Variants in GTF2I observed in about 807,000 individuals in gnomAD.
GTF2I encodes the protein general transcription factor IIi.
GTF2I carries 12 observed loss-of-function variants against 67.6 expected under a neutral mutation model. That is an observed-to-expected ratio of 0.18 (90% CI 0.11 to 0.29). The LOEUF is 0.29. Among genes scored for constraint, GTF2I ranks in the 10% least tolerant of loss-of-function variants. The pLI is 1.00. For synonymous variants in GTF2I, 149 were observed against 197.0 expected (o/e 0.76, Z 2.04); for missense variants, 271 against 580.1 (o/e 0.47, Z 5.47).
At chr7:74,695,783 C>T (rs1349945287) in intron 3 of GTF2I, among the ~76,000 whole-genome samples, 2 of 151,960 alleles carry the variant, frequency 1.3e-5, no homozygotes, top group Non-Finnish European at 2.9e-5. Context: ...TTTCTTTATA[C>T]TAATAATGCT....
intron 1 of GTF2I, among the ~76,000 whole-genome samples, chr7:74,675,294 A>C (rs2131233460): frequency 6.6e-6 from 1 of 152,242 alleles, no homozygotes; most frequent in Non-Finnish European, 1.5e-5. Context: ...TATTGAGGTT[A>C]AGCATTTTGA....
chr7:74,702,227 CT>C (rs56164443), intron 6 of GTF2I, among the ~76,000 whole-genome samples: 37,857 of 144,724 alleles, frequency 0.26, 7,346 homozygotes, highest in African/African-American at 0.56. Flanking sequence ...TTACACTGAA[CT>C]TTTTTTTTTT....
chr7:74,707,933 G>C (rs976975885), intron 8 of GTF2I, among the ~76,000 whole-genome samples: 1 of 151,528 alleles, frequency 6.6e-6, no homozygotes, highest in Non-Finnish European at 1.5e-5. Context: ...CTGCAAATAA[G>C]ATGTACATTT....
chr7:74,697,266 G>A (rs985221982), intron 3 of GTF2I, among the ~76,000 whole-genome samples: 5 of 151,780 alleles, frequency 3.3e-5, no homozygotes, highest in Non-Finnish European at 7.4e-5. Context: ...GTGGTGGCGC[G>A]CACCTGTAAT....
At chr7:74,690,812 TC>T (rs1278323782) in intron 2 of GTF2I, among the ~76,000 whole-genome samples, 160 bp from the exon 3 acceptor site, 6 of 152,212 alleles carry the variant, frequency 3.9e-5, no homozygotes, top group Non-Finnish European at 8.8e-5. Flanking sequence ...GTTTTTTTTT[TC>T]CTTATAAATT....
chr7:74,692,220 C>T (rs1241970211), intron 3 of GTF2I, among the ~76,000 whole-genome samples: 3 of 151,956 alleles, frequency 2.0e-5, no homozygotes, highest in Admixed American at 1.3e-4. Flanking sequence ...ATTACAGGTG[C>T]ACACCACCAT....
At chr7:74,685,816 G>T (rs1447454384) in intron 1 of GTF2I, among the ~76,000 whole-genome samples, 1 of 151,748 alleles carries the variant, frequency 6.6e-6, no homozygotes, top group Non-Finnish European at 1.5e-5. Context: ...CCGGTAATCC[G>T]GCCGAGGCGG....
At position 74,700,423 on chromosome 7, in the gene GTF2I, A is replaced by G; in HGVS notation, c.550A>G (p.Ile184Val). The change falls in exon 5 of 35, where the codon ATT becomes GTT. Residue 184 changes from isoleucine (I) to valine (V), a missense_variant. Ile to Val is a conservative substitution (Grantham distance 29). Coordinates refer to ENST00000573035, the MANE Select transcript of GTF2I (RefSeq NM_032999.4). ...GAACAAAGCAGGGATTTCATTCATC[A>G]TTAAGAGGTGAAGTGCTTTCTCCCT... is the stretch of plus-strand genomic sequence containing the variant. ...LENKAGISFI[I>V]KRPFLEPKKH... 6.2e-7 allele frequency: 1 copy of G among 1,614,158 alleles called. No homozygotes were observed. Among genetic ancestry groups the G allele is most frequent in the Non-Finnish European group, 8.5e-7 (1 of 1,180,010 alleles).
chr7:74,700,378 A>G lies in GTF2I; in HGVS notation c.505A>G (p.Thr169Ala). 6.2e-7 allele frequency: 1 copy of G among 1,614,142 alleles called. No individual in the cohort carries two copies. Among genetic ancestry groups the G allele is most frequent in the East Asian group, 2.2e-5 (1 of 44,882 alleles). ...FKHPENYDLA[T>A]LKWILENKAG... ...ACACCCCGAGAACTATGATCTTGCA[A>G]CCCTGAAATGGATTTTGGAGAACAA... Residue 169 changes from threonine (T) to alanine (A), a missense_variant, in exon 5 of 35, where the codon ACC becomes GCC. Transcript: ENST00000573035.
At chr7:74,667,186 TACAG>T in intron 1 of GTF2I, among the ~76,000 whole-genome samples, 1 of 151,732 alleles carries the variant, frequency 6.6e-6, no homozygotes, top group African/African-American at 2.4e-5. Context: ...CTACTGAAAA[TACAG>T]AAGTTAGCTG....
At chr7:74,663,659 C>T (rs1400596582) in intron 1 of GTF2I, among the ~76,000 whole-genome samples, 1 of 152,084 alleles carries the variant, frequency 6.6e-6, no homozygotes. Flanking sequence ...TAATCAGTTG[C>T]TTATTCTAAT....
chr7:74,706,400 A>G lies in GTF2I; in HGVS notation c.652A>G (p.Ile218Val). ...TTCTTCTCCTTGCAGTTGTGGCCCCATCAAAGTGAAAACTGAACCCACAGA... is the reference window on the plus strand; with the variant it reads ...TTCTTCTCCTTGCAGTTGTGGCCCCGTCAAAGTGAAAACTGAACCCACAGA... Reference protein sequence around the residue: ...ILSPGGSCGPIKVKTEPTEDS... With the variant: ...ILSPGGSCGPVKVKTEPTEDS... The change falls in exon 8 of 35, where the codon ATC (isoleucine) becomes GTC (valine). Residue 218 changes from isoleucine to valine, a missense_variant. Around this residue, in one of 9 missense-constraint regions of GTF2I, gnomAD observed 124 missense variants for 147.0 expected, o/e 0.84. Transcript: ENST00000573035. 1.2e-6 allele frequency: 2 copies of G among 1,613,790 alleles called. No individual in the cohort carries two copies. The highest frequency in any genetic ancestry group is 1.7e-6 in the Non-Finnish European group (2 of 1,179,686).
chr7:74,692,461 C>T (rs1788415035), intron 3 of GTF2I, among the ~76,000 whole-genome samples: 1 of 152,196 alleles, frequency 6.6e-6, no homozygotes, highest in Non-Finnish European at 1.5e-5. Context: ...TTAAACAGTT[C>T]TCCTCCACTC....
At chr7:74,721,030 T>A (rs1026620427) in intron 12 of GTF2I, among the ~76,000 whole-genome samples, 73 of 152,182 alleles carry the variant, frequency 4.8e-4, no homozygotes, top group African/African-American at 1.7e-3. Context: ...TTTTCATTTA[T>A]TTGTTTATTT....
intron 1 of GTF2I, among the ~76,000 whole-genome samples, chr7:74,661,334 G>T (rs1485014344): frequency 2.6e-5 from 4 of 152,178 alleles, no homozygotes; most frequent in Non-Finnish European, 4.4e-5. Flanking sequence ...TCACAATGGT[G>T]CAAAATGAAG....
chr7:74,691,207 T>TG, intron 3 of GTF2I, 96 bp downstream of exon 3: 4 of 924,152 alleles, frequency 4.3e-6, no homozygotes, highest in Non-Finnish European at 4.8e-6. Flanking sequence ...TTTCTTTCTT[T>TG]CTTTTTTTTT....
At chr7:74,710,710 G>T (rs1362996127) in intron 8 of GTF2I, among the ~76,000 whole-genome samples, 2 of 152,116 alleles carry the variant, frequency 1.3e-5, no homozygotes, top group African/African-American at 2.4e-5. Flanking sequence ...GTGTTTCAAT[G>T]GTTTATAAAA....
chr7:74,716,560 G>C, intron 10 of GTF2I: 1 of 214,746 alleles, frequency 4.7e-6, no homozygotes, highest in Admixed American at 5.2e-5. Context: ...GTCTTTGACA[G>C]ATGAGCATGG....
At chr7:74,712,533 T>C (rs1791716982) in intron 9 of GTF2I, among the ~76,000 whole-genome samples, 1 of 142,590 alleles carries the variant, frequency 7.0e-6, no homozygotes, top group Non-Finnish European at 1.6e-5. Context: ...TGTGTGTGTG[T>C]GTGTCATGTC....
Sources: gnomAD v4.1 joint callset for allele counts (sites outside exome capture counted in the v4.1 genomes callset) on GRCh38, gnomAD v4.1.1 for gene constraint, gnomAD v4.1.1 regional missense constraint, MANE v1.5 for transcripts, NCBI Gene and HGNC (gene_info 2026-07-23, HGNC 2026-07-21) for gene names.